SMIM36: variants seen among roughly 807,000 people sequenced by gnomAD.
SMIM36 encodes small integral membrane protein 36.
chr17:55,528,560 T>C, the SMIM36 span, among the ~76,000 whole-genome samples: 1 of 151,216 alleles, frequency 6.6e-6, no homozygotes, highest in African/African-American at 2.4e-5. Context: ...CTTTTCTTTT[T>C]TTTTTTTTTG....
intron 3 of SMIM36, among the ~76,000 whole-genome samples, chr17:55,474,139 G>C (rs1909387832): frequency 6.6e-6 from 1 of 152,164 alleles, no homozygotes; most frequent in East Asian, 1.9e-4. Flanking sequence ...TTGGTTGTTG[G>C]AGACGTGAGT....
the SMIM36 span, among the ~76,000 whole-genome samples, chr17:55,519,128 T>C: frequency 1.6e-3 from 244 of 152,232 alleles, no homozygotes; most frequent in African/African-American, 5.5e-3. Flanking sequence ...ACAAATATCC[T>C]AGAGAAGTAG....
chr17:55,490,350 G>A (rs1909681861), intron 1 of SMIM36, among the ~76,000 whole-genome samples: 1 of 152,094 alleles, frequency 6.6e-6, no homozygotes, highest in Admixed American at 6.6e-5. Flanking sequence ...TACATTAGTG[G>A]TTTGGACTGA....
chr17:55,491,072 T>C (rs1338400616), intron 1 of SMIM36, among the ~76,000 whole-genome samples: 4 of 151,828 alleles, frequency 2.6e-5, no homozygotes, highest in African/African-American at 9.7e-5. Context: ...CTGGGCAACA[T>C]AGTAAGACCG....
intron 4 of SMIM36, among the ~76,000 whole-genome samples, chr17:55,462,556 T>C (rs993537687): frequency 9.9e-5 from 15 of 152,194 alleles, no homozygotes; most frequent in Non-Finnish European, 2.9e-5. Flanking sequence ...CAGTGAGCTA[T>C]GACAGAACCA....
the SMIM36 span, among the ~76,000 whole-genome samples, chr17:55,520,513 C>G: frequency 1.3e-5 from 2 of 152,310 alleles, no homozygotes; most frequent in African/African-American, 4.8e-5. Flanking sequence ...TACTTGAACA[C>G]AAGCACAGTG....
At chr17:55,523,578 T>C in the SMIM36 span, among the ~76,000 whole-genome samples, 3 of 148,414 alleles carry the variant, frequency 2.0e-5, no homozygotes, top group African/African-American at 5.0e-5. Context: ...GAAGCAGCTA[T>C]AGACAAGCCA....
At chr17:55,490,343 A>G (rs1479445417) in intron 1 of SMIM36, among the ~76,000 whole-genome samples, 1 of 152,078 alleles carries the variant, frequency 6.6e-6, no homozygotes, top group East Asian at 1.9e-4. Context: ...TTGCTGTTAC[A>G]TTAGTGGTTT....
At chr17:55,520,611 G>A in the SMIM36 span, among the ~76,000 whole-genome samples, 8 of 152,314 alleles carry the variant, frequency 5.3e-5, no homozygotes, top group Admixed American at 2.6e-4. Context: ...AATGGACAAA[G>A]GGATAATTCA....
intron 3 of SMIM36, 118 bp downstream of exon 3, chr17:55,478,644 T>G (rs1909466706): frequency 6.6e-6 from 1 of 152,188 alleles, no homozygotes; most frequent in African/African-American, 2.4e-5. Flanking sequence ...GTTCTTGACA[T>G]GGAATCCTTC....
At chr17:55,459,010 C>A (rs117130866) in intron 4 of SMIM36, among the ~76,000 whole-genome samples, 2 of 152,164 alleles carry the variant, frequency 1.3e-5, no homozygotes, top group African/African-American at 4.8e-5. Context: ...ACTGAGAGCA[C>A]CCTGTAACAC....
At chr17:55,485,850 T>C (rs1201096972) in intron 1 of SMIM36, among the ~76,000 whole-genome samples, 1 of 152,156 alleles carries the variant, frequency 6.6e-6, no homozygotes, top group East Asian at 1.9e-4. Flanking sequence ...ATATGTCAAG[T>C]GAGTTTAAAG....
intron 3 of SMIM36, among the ~76,000 whole-genome samples, chr17:55,475,860 T>C (rs908111679): frequency 2.0e-5 from 3 of 152,078 alleles, no homozygotes; most frequent in Non-Finnish European, 4.4e-5. Context: ...TGACAAATGC[T>C]CCTTCTCTAA....
intron 1 of SMIM36, among the ~76,000 whole-genome samples, chr17:55,482,874 C>T (rs906014296): frequency 6.6e-5 from 10 of 152,230 alleles, no homozygotes; most frequent in African/African-American, 2.4e-4. Flanking sequence ...GTAAAGGCAT[C>T]TGTCAAATAA....
chr17:55,481,737 A>G (rs1180479222), intron 1 of SMIM36, among the ~76,000 whole-genome samples: 3 of 152,192 alleles, frequency 2.0e-5, no homozygotes, highest in African/African-American at 7.2e-5. Flanking sequence ...TCTGTTGCCC[A>G]GGCTGGAGTG....
exon 1 of SMIM36, chr17:55,511,272 G>A: frequency 2.5e-6 from 1 of 398,650 alleles, no homozygotes. Context: ...GCAAGATGAC[G>A]TAGCTCGCAA....
At chr17:55,476,988 G>A (rs1198206299) in intron 3 of SMIM36, 2 of 152,196 alleles carry the variant, frequency 1.3e-5, no homozygotes, top group Non-Finnish European at 2.9e-5. Flanking sequence ...CAGTTTGGGA[G>A]TTGCTTTAGT....
chr17:55,487,842 A>T lies in SMIM36; in HGVS notation c.*175-8262T>A, dbSNP rs577920716. On this transcript the variant is annotated intron_variant, in intron 1 of 4. Coordinates refer to ENST00000636752, the Ensembl canonical transcript of SMIM36. ...GAGATGCAAGGCTGAGACCCCTTGC[A>T]GCTGACTACTTGGAGGAGTGCCGAC... 7.9e-5 allele frequency among the ~76,000 whole-genome samples: 12 copies of T among 152,336 alleles called. No homozygotes were observed. In the East Asian group the frequency reaches 2.3e-3, roughly 29 times the overall value.
At chr17:55,510,816 C>G (rs1910167411) in intron 1 of SMIM36, 63 bp downstream of exon 1, 1 of 298,350 alleles carries the variant, frequency 3.4e-6, no homozygotes, top group Admixed American at 5.1e-5. Context: ...CTTCATTATA[C>G]TACAGCATTG....
Sources: gnomAD v4.1 joint callset for allele counts (sites outside exome capture counted in the v4.1 genomes callset) on GRCh38, gnomAD v4.1.1 for gene constraint, MANE v1.5 for transcripts, NCBI Gene and HGNC (gene_info 2026-07-23, HGNC 2026-07-21) for gene names.